The following PPP1R12B variants were observed in gnomAD, a reference collection of about 807,000 sequenced individuals.
PPP1R12B encodes myosin phosphatase target subunit 2.
Under a neutral mutation model 126.1 loss-of-function variants are expected in PPP1R12B, and 76 were observed. The ratio of observed to expected loss-of-function variants is 0.60; its 90% CI spans 0.50 to 0.73. The LOEUF (loss-of-function observed/expected upper bound fraction) is 0.73, where lower values mean the gene tolerates loss of function less well. Ranked by LOEUF, PPP1R12B falls within the 30% of genes least tolerant of loss-of-function variation. The probability of loss-of-function intolerance (pLI) is 0.00; values close to 1 mark genes in which losing one functional copy is unlikely to be tolerated. For synonymous variants in PPP1R12B, 356 were observed against 434.7 expected (o/e 0.82, Z 2.25); for missense variants, 1,052 against 1,205.1 (o/e 0.87, Z 1.88).
intron 13 of PPP1R12B, among the ~76,000 whole-genome samples, chr1:202,455,205 T>TAGAG (rs138316173): frequency 6.6e-6 from 1 of 150,910 alleles, no homozygotes; most frequent in Admixed American, 6.6e-5. Context: ...TATATATATA[T>TAGAG]AGAGAGAGAG....
At chr1:202,430,093 T>C (rs1408057074) in intron 6 of PPP1R12B, among the ~76,000 whole-genome samples, 1 of 152,232 alleles carries the variant, frequency 6.6e-6, no homozygotes, top group Non-Finnish European at 1.5e-5. Context: ...AGTTAGGTTC[T>C]TTTAATTTTA....
Position 202,365,720 on chromosome 1 carries a change from T to C in PPP1R12B, c.291+16578T>C, listed in dbSNP as rs542882080. On this transcript the variant is annotated intron_variant, in intron 1 of 23. Transcript: ENST00000608999. ...GCTCACCTCTCCATTTAGACCTCTT[T>C]ATTTTTTTAAAAGCCTCTTAGCACC... Among the ~76,000 whole-genome samples, 8 of 152,300 alleles carry C rather than the reference T, an allele frequency of 5.3e-5. No individual in the cohort carries two copies. In the East Asian group the frequency reaches 1.4e-3, roughly 26 times the overall value.
chr1:202,557,609 G>A (rs956246928), intron 18 of PPP1R12B, among the ~76,000 whole-genome samples: 13 of 152,056 alleles, frequency 8.5e-5, no homozygotes, highest in South Asian at 4.1e-4. Flanking sequence ...TTAGTCCAGC[G>A]GTATTTAACC....
At chr1:202,544,804 G>A (rs1313263840) in intron 18 of PPP1R12B, among the ~76,000 whole-genome samples, 2 of 152,204 alleles carry the variant, frequency 1.3e-5, no homozygotes, top group Non-Finnish European at 2.9e-5. Context: ...TAATCAATTA[G>A]CTTTGTTTTA....
intron 13 of PPP1R12B, among the ~76,000 whole-genome samples, chr1:202,476,490 C>T (rs1358377050): frequency 6.6e-6 from 1 of 151,736 alleles, no homozygotes; most frequent in African/African-American, 2.4e-5. Context: ...TGATACCAGC[C>T]TGGCCAATGT....
chr1:202,541,670 C>T (rs1300050617), intron 18 of PPP1R12B, among the ~76,000 whole-genome samples: 3 of 152,208 alleles, frequency 2.0e-5, no homozygotes, highest in Non-Finnish European at 4.4e-5. Flanking sequence ...ACCACTATAA[C>T]CATAGCTCCC....
At chr1:202,573,440 C>A (rs1374039950) in intron 23 of PPP1R12B, among the ~76,000 whole-genome samples, 1 of 152,140 alleles carries the variant, frequency 6.6e-6, no homozygotes, top group African/African-American at 2.4e-5. Context: ...CACTCCCAAA[C>A]AACTATAACT....
At chr1:202,472,266 C>A (rs879317950) in intron 13 of PPP1R12B, 10 of 449,612 alleles carry the variant, frequency 2.2e-5, no homozygotes, top group Non-Finnish European at 3.9e-5. Context: ...TTTATTTAAC[C>A]ATTCCCCTTA....
At chr1:202,548,808 C>CTCTATATATATATA (rs1218548068) in intron 18 of PPP1R12B, among the ~76,000 whole-genome samples, 4 of 72,992 alleles carry the variant, frequency 5.5e-5, no homozygotes, top group South Asian at 5.9e-4. Context: ...CTCTCTCTCT[C>CTCTATATATATATA]TATATATATA....
chr1:202,502,184 C>T, intron 18 of PPP1R12B: 1 of 984,792 alleles, frequency 1.0e-6, no homozygotes, highest in Non-Finnish European at 1.2e-6. Context: ...GTCTGGATTA[C>T]TAGTCATCCC....
At chr1:202,392,292 C>T (rs1664250717) in intron 1 of PPP1R12B, among the ~76,000 whole-genome samples, 1 of 152,086 alleles carries the variant, frequency 6.6e-6, no homozygotes, top group African/African-American at 2.4e-5. Context: ...TATTATTTAG[C>T]CATAAAAAGG....
chr1:202,544,108 C>T (rs1685410096), intron 18 of PPP1R12B, among the ~76,000 whole-genome samples: 1 of 152,166 alleles, frequency 6.6e-6, no homozygotes, highest in African/African-American at 2.4e-5. Flanking sequence ...TTTGAAAGCT[C>T]AGTCTCTTTT....
At chr1:202,498,355 A>G (rs1271617806) in intron 18 of PPP1R12B, among the ~76,000 whole-genome samples, 1 of 152,222 alleles carries the variant, frequency 6.6e-6, no homozygotes, top group Non-Finnish European at 1.5e-5. Context: ...CAAAAAGAAT[A>G]AACAGCCCAT....
Position 202,587,759 on chromosome 1 carries a change from A to G in PPP1R12B, c.*7199A>G, listed in dbSNP as rs1051879546. ...GCCAGAAGTAGCTTGACTCTCGCCT[A>G]AATATCTGTGCCTTTGCCTGTCCTT... On this transcript the variant is annotated 3_prime_UTR_variant, in exon 24 of 24. Transcript: ENST00000608999. 6.6e-6 allele frequency: 1 copy of G among 152,178 alleles called. No individual in the cohort carries two copies. The highest frequency in any genetic ancestry group is 2.4e-5 in the African/African-American group (1 of 41,442). The allele number at this position is 152,178 out of a possible 1,614,324, so 9.4% of individuals were successfully genotyped here.
At chr1:202,467,459 G>A (rs1243193569) in intron 13 of PPP1R12B, among the ~76,000 whole-genome samples, 4 of 151,744 alleles carry the variant, frequency 2.6e-5, no homozygotes, top group Admixed American at 1.3e-4. Flanking sequence ...CCACCTATGA[G>A]TGAGAACATG....
intron 13 of PPP1R12B, among the ~76,000 whole-genome samples, chr1:202,461,786 A>G (rs1674334610): frequency 6.6e-6 from 1 of 152,102 alleles, no homozygotes; most frequent in African/African-American, 2.4e-5. Context: ...GCAGCCATAC[A>G]CAGGTACCTT....
At chr1:202,371,719 T>C (rs529354726) in intron 1 of PPP1R12B, among the ~76,000 whole-genome samples, 1 of 152,286 alleles carries the variant, frequency 6.6e-6, no homozygotes, top group African/African-American at 2.4e-5. Flanking sequence ...GCAAAGATAG[T>C]TTAGAGAGAG....
intron 18 of PPP1R12B, among the ~76,000 whole-genome samples, chr1:202,533,386 G>C (rs1684185616): frequency 6.6e-6 from 1 of 152,156 alleles, no homozygotes; most frequent in African/African-American, 2.4e-5. Flanking sequence ...TGCCTCTTGT[G>C]CTCAGAGGAT....
chr1:202,581,875 C>T lies in PPP1R12B; in HGVS notation c.*1315C>T, dbSNP rs1689565815. ...GTTTAATGGAATGAAGTACTTTCAA[C>T]CCATTGATGAGAGTCATGGAAGTTT... On this transcript the variant is annotated 3_prime_UTR_variant, in exon 24 of 24. Transcript: ENST00000608999. 1 of 152,176 alleles carries T rather than the reference C, an allele frequency of 6.6e-6. No individual in the cohort carries two copies. The highest frequency in any genetic ancestry group is 6.5e-5 in the Admixed American group (1 of 15,282). The allele number at this position is 152,176 out of a possible 1,614,324, so 9.4% of individuals were successfully genotyped here. A position where few individuals can be genotyped will look rare whatever the true frequency, so the allele number is the denominator to read the frequency against.
Sources: allele counts gnomAD v4.1 joint callset (sites outside exome capture counted in the v4.1 genomes callset), GRCh38; gene constraint gnomAD v4.1.1; transcripts MANE v1.5; gene names NCBI Gene and HGNC (gene_info 2026-07-23, HGNC 2026-07-21).